The following PRKCI variants were observed in gnomAD, a reference collection of about 807,000 sequenced individuals.
The protein encoded by PRKCI is protein kinase C iota.
A neutral mutation model predicts 84.0 loss-of-function variants in PRKCI; 43 were observed. The ratio of observed to expected loss-of-function variants is 0.51; its 90% CI spans 0.40 to 0.66. The LOEUF (loss-of-function observed/expected upper bound fraction) is 0.66. Among genes scored for constraint, PRKCI ranks in the 30% least tolerant of loss-of-function variants. PRKCI has a pLI of 0.00. For synonymous variants in PRKCI, 216 were observed against 234.4 expected (o/e 0.92, Z 0.72); for missense variants, 459 against 745.6 (o/e 0.62, Z 4.48).
At chr3:170,295,641 G>A (rs181997324) in intron 14 of PRKCI, among the ~76,000 whole-genome samples, 145 of 148,666 alleles carry the variant, frequency 9.8e-4, no homozygotes, top group African/African-American at 3.5e-3. Flanking sequence ...GTGCCACTGT[G>A]CTCCAGCCTG....
chr3:170,230,512 T>C (rs1324148742), intron 1 of PRKCI, among the ~76,000 whole-genome samples: 1 of 152,202 alleles, frequency 6.6e-6, no homozygotes, highest in East Asian at 1.9e-4. Flanking sequence ...TTATTTTTAG[T>C]AGAGACAGGG....
At chr3:170,244,600 G>A (rs1044695935) in intron 2 of PRKCI, among the ~76,000 whole-genome samples, 2 of 152,064 alleles carry the variant, frequency 1.3e-5, no homozygotes, top group Admixed American at 6.6e-5. Context: ...GGGTGTAGGG[G>A]CCAGGGAAAA....
At chr3:170,284,723 C>G in intron 12 of PRKCI, 127 bp downstream of exon 12, 1 of 1,139,146 alleles carries the variant, frequency 8.8e-7, no homozygotes, top group Non-Finnish European at 1.2e-6. Context: ...TTGTGGAATT[C>G]TAGCACAAAG....
chr3:170,255,811 C>T (rs541395974), intron 2 of PRKCI, among the ~76,000 whole-genome samples: 6 of 152,188 alleles, frequency 3.9e-5, no homozygotes, highest in Non-Finnish European at 7.4e-5. Flanking sequence ...TGGCTTTTAT[C>T]GTGTTGAGGT....
intron 8 of PRKCI, among the ~76,000 whole-genome samples, chr3:170,276,063 A>G (rs951764828): frequency 6.6e-6 from 1 of 151,408 alleles, no homozygotes. Context: ...CCTCCCGAGT[A>G]GCTAGGACTA....
At chr3:170,260,560 C>G (rs1270080259) in intron 3 of PRKCI, among the ~76,000 whole-genome samples, 1 of 152,146 alleles carries the variant, frequency 6.6e-6, no homozygotes, top group Non-Finnish European at 1.5e-5. Flanking sequence ...CTCCTGGGTT[C>G]AAGCATCTCA....
chr3:170,250,201 A>G (rs2108843902), intron 2 of PRKCI, among the ~76,000 whole-genome samples: 1 of 149,548 alleles, frequency 6.7e-6, no homozygotes, highest in Middle Eastern at 3.4e-3. Context: ...TGAACCTGGG[A>G]GCTGGAGGTT....
At chr3:170,254,061 C>T (rs1733522293) in intron 2 of PRKCI, among the ~76,000 whole-genome samples, 1 of 150,932 alleles carries the variant, frequency 6.6e-6, no homozygotes, top group African/African-American at 2.4e-5. Context: ...TACGCCACTG[C>T]ACTCCAGCCT....
In PRKCI at chr3:170,270,575, CCTT is replaced by C. The variant is rs1733977562; in HGVS notation, c.591+15_591+17del. On this transcript the variant is annotated intron_variant, in intron 6 of 17. Transcript: ENST00000295797. ...TCTTTGCCACAGGTAAGATGTCTGT[CCTT>C]TTTTTTTTTTTTTTTTTTAAGAGCG... The C allele has an allele frequency of 5.7e-6, 8 of 1,415,110 alleles. No individual in the cohort carries two copies. The highest frequency in any genetic ancestry group is 2.7e-5 in the Admixed American group (1 of 37,636). The allele number at this position is 1,415,110 out of a possible 1,614,324, so 87.7% of individuals were successfully genotyped here.
chr3:170,281,078 G>C, intron 9 of PRKCI, 88 bp from the exon 10 acceptor site: 1 of 1,037,592 alleles, frequency 9.6e-7, no homozygotes, highest in East Asian at 2.4e-5. Context: ...GTTAACCATT[G>C]CATTTGTGAC....
intron 2 of PRKCI, among the ~76,000 whole-genome samples, chr3:170,256,941 A>AG (rs1733598362): frequency 6.6e-6 from 1 of 152,032 alleles, no homozygotes; most frequent in Non-Finnish European, 1.5e-5. Flanking sequence ...CTGCTTAATA[A>AG]GGGGCATATT....
chr3:170,277,176 G>A (rs909372773), intron 8 of PRKCI, among the ~76,000 whole-genome samples: 3 of 151,842 alleles, frequency 2.0e-5, no homozygotes, highest in African/African-American at 4.8e-5. Flanking sequence ...TGGAACTGGG[G>A]AGGCGGAGAT....
chr3:170,260,924 A>G (rs184346889), intron 3 of PRKCI, among the ~76,000 whole-genome samples: 26 of 152,200 alleles, frequency 1.7e-4, no homozygotes, highest in African/African-American at 6.3e-4. Context: ...TCATTCAACT[A>G]TGCTAACCAT....
rs977008114 is a variant in PRKCI at position 170,281,217 on chromosome 3, C to T, written c.934C>T (p.His312Tyr). ...EKHVFEQASNHPFLVGLHSCF... is the reference protein window; with the variant it reads ...EKHVFEQASNYPFLVGLHSCF... ...GCATGTGTTTGAGCAGGCATCCAATCATCCTTTCCTTGTTGGGCTGCATTC... is the reference window on the plus strand; with the variant it reads ...GCATGTGTTTGAGCAGGCATCCAATTATCCTTTCCTTGTTGGGCTGCATTC... Residue 312 changes from histidine to tyrosine, a missense_variant, in exon 10 of 18, where the codon CAT (histidine) becomes TAT (tyrosine). Coordinates refer to ENST00000295797, the MANE Select transcript of PRKCI (RefSeq NM_002740.6). 2.5e-6 allele frequency: 4 copies of T among 1,613,668 alleles called. No individual in the cohort carries two copies. In the African/African-American group the frequency reaches 5.3e-5, roughly 22 times the overall value.
chr3:170,235,536 T>G (rs1050557189), intron 2 of PRKCI, among the ~76,000 whole-genome samples, 185 bp downstream of exon 2: 7 of 152,124 alleles, frequency 4.6e-5, no homozygotes, highest in African/African-American at 1.7e-4. Context: ...TTTGCCCCTT[T>G]TACGCCAAAA....
At position 170,304,822 on chromosome 3, in the gene PRKCI, T is replaced by A. The variant is rs1734916291; in HGVS notation, c.*1695T>A. 1 of 152,178 alleles carries A rather than the reference T, an allele frequency of 6.6e-6. No individual in the cohort carries two copies. Among genetic ancestry groups the A allele is most frequent in the Non-Finnish European group, 1.5e-5 (1 of 68,018 alleles). The allele number at this position is 152,178 out of a possible 1,614,324, so 9.4% of individuals were successfully genotyped here. On this transcript the variant is annotated 3_prime_UTR_variant, in exon 18 of 18. Coordinates refer to ENST00000295797, the MANE Select transcript of PRKCI (RefSeq NM_002740.6). ...CTAAATTACTTAAAATTTTTTAATC[T>A]TAGTAAAAATTTTAGGAAAGTTATC...
chr3:170,276,902 C>G (rs185473347), intron 8 of PRKCI, among the ~76,000 whole-genome samples: 1 of 151,840 alleles, frequency 6.6e-6, no homozygotes, highest in African/African-American at 2.4e-5. Context: ...GATCTCATAT[C>G]CAGAATTTAT....
At chr3:170,270,293 C>T in intron 5 of PRKCI, 128 bp from the exon 6 acceptor site, 1 of 923,404 alleles carries the variant, frequency 1.1e-6, no homozygotes, top group African/African-American at 1.7e-5. Flanking sequence ...CTTTGTTTTG[C>T]TTTTGTTTTT....
chr3:170,224,057 C>A (rs1732567620), intron 1 of PRKCI, among the ~76,000 whole-genome samples: 1 of 104,574 alleles, frequency 9.6e-6, no homozygotes, highest in African/African-American at 3.7e-5. Flanking sequence ...CTAATGGTAT[C>A]CCTCCCCCCT....
Sources: allele counts gnomAD v4.1 joint callset (sites outside exome capture counted in the v4.1 genomes callset), GRCh38; gene constraint gnomAD v4.1.1; transcripts MANE v1.5; gene names NCBI Gene and HGNC (gene_info 2026-07-23, HGNC 2026-07-21).